The following WDR25 variants were observed in gnomAD, a reference collection of about 807,000 sequenced individuals.
WDR25 encodes WD repeat domain 25.
WDR25 carries 35 observed loss-of-function variants against 47.7 expected under a neutral mutation model. The ratio of observed to expected loss-of-function variants is 0.73; its 90% CI spans 0.56 to 0.97. WDR25 has a LOEUF of 0.97. Among genes scored for constraint, WDR25 ranks in the 50% least tolerant of loss-of-function variants. The pLI, the probability that WDR25 is intolerant of heterozygous loss-of-function variation, is 0.00. For synonymous variants in WDR25, 248 were observed against 278.9 expected, an observed-to-expected ratio of 0.89 and a Z score of 1.10; for missense variants, 634 against 704.7, an observed-to-expected ratio of 0.90 and a Z score of 1.14.
intron 2 of WDR25, among the ~76,000 whole-genome samples, chr14:100,399,930 G>A (rs1175176032): frequency 6.6e-6 from 1 of 152,246 alleles, no homozygotes; most frequent in African/African-American, 2.4e-5. Flanking sequence ...AGGAGGGTAC[G>A]GGTGCTGCAG....
At chr14:100,377,532 A>T (rs1415426866) in intron 1 of WDR25, among the ~76,000 whole-genome samples, 2 of 149,652 alleles carry the variant, frequency 1.3e-5, no homozygotes, top group Admixed American at 1.3e-4. Flanking sequence ...CTGGTCTTGA[A>T]CCCCCGACCT....
intron 4 of WDR25, among the ~76,000 whole-genome samples, chr14:100,514,413 T>C (rs1901423677): frequency 6.6e-6 from 1 of 152,132 alleles, no homozygotes; most frequent in South Asian, 2.1e-4. Context: ...TTAAATCTGC[T>C]ACCTTGCTAT....
At chr14:100,518,833 G>T (rs1901598639) in intron 4 of WDR25, among the ~76,000 whole-genome samples, 1 of 151,756 alleles carries the variant, frequency 6.6e-6, no homozygotes, top group South Asian at 2.1e-4. Flanking sequence ...GGCGGAAGTT[G>T]CAGTGAGCCA....
chr14:100,415,965 CCTT>C (rs1418116866), intron 2 of WDR25, among the ~76,000 whole-genome samples: 4 of 152,180 alleles, frequency 2.6e-5, no homozygotes, highest in Admixed American at 6.5e-5. Context: ...CTGCCGCTGT[CCTT>C]CTTTTCTTCT....
chr14:100,486,715 TG>T (rs748285358), intron 4 of WDR25, among the ~76,000 whole-genome samples: 7 of 152,334 alleles, frequency 4.6e-5, no homozygotes, highest in Admixed American at 6.5e-5. Flanking sequence ...AGCCTGGGCG[TG>T]TATGTGAACA....
chr14:100,439,428 C>T (rs528846734), intron 2 of WDR25, among the ~76,000 whole-genome samples: 21 of 152,336 alleles, frequency 1.4e-4, no homozygotes, highest in Admixed American at 5.9e-4. Context: ...TGGTACAGCA[C>T]GGCCCGCCCA....
At position 100,404,692 on chromosome 14, in the gene WDR25, T is replaced by G. The variant is rs183943467; in HGVS notation, c.822+22946T>G. On this transcript the variant is annotated intron_variant, in intron 2 of 6. Transcript: ENST00000402312. The surrounding 1 kb of genome is among the most constrained non-coding windows in gnomAD (Gnocchi z 4.6). Reference sequence around the variant, plus strand: ...GCAAATGTTCTGTCCCAGTTCAGTCTGCTGACTGGGAGATGCTGACCTGAC... The same window carrying G: ...GCAAATGTTCTGTCCCAGTTCAGTCGGCTGACTGGGAGATGCTGACCTGAC... Among the ~76,000 whole-genome samples, 6 of 152,338 alleles carry G rather than the reference T, an allele frequency of 3.9e-5. No homozygotes were observed. The highest frequency in any genetic ancestry group is 8.8e-5 in the Non-Finnish European group (6 of 68,018).
rs1423288447 is a variant in WDR25, at chr14:100,525,957, G to A, written c.1189G>A (p.Ala397Thr). 6 of 1,614,056 alleles carry A rather than the reference G, an allele frequency of 3.7e-6. No homozygotes were observed. The highest frequency in any genetic ancestry group is 3.3e-5 in the South Asian group (3 of 91,074). ...CTCCGAGTTCCTGAGCAGCACAGAC[G>A]CTTCCACCCGGGACTCAGCTGACCG... Reference protein sequence around the residue: ...EGSEFLSSTDASTRDSADRTI... With the variant: ...EGSEFLSSTDTSTRDSADRTI... Residue 397 changes from alanine (A) to threonine (T), a missense_variant, in exon 5 of 7, where the codon GCT becomes ACT. Physicochemically the swap from Ala to Thr is moderately conservative, Grantham distance 58. Transcript: ENST00000402312. This position sits in a 1 kb window ranked among gnomAD's most constrained non-coding sequence, Gnocchi z 4.6.
chr14:100,392,805 T>C lies in WDR25; in HGVS notation c.822+11059T>C, dbSNP rs1897174325. On this transcript the variant is annotated intron_variant, in intron 2 of 6. Transcript: ENST00000402312. This position sits in a 1 kb window ranked among gnomAD's most constrained non-coding sequence, Gnocchi z 4.2. The stretch of plus-strand genomic sequence containing the variant: ...GTGGTTTCTAATTTTTGCTATTATA[T>C]AGATAATGCTGAAGTGGTTATCTTC... 6.6e-6 allele frequency among the ~76,000 whole-genome samples: 1 copy of C among 152,212 alleles called. No individual in the cohort carries two copies. The highest frequency in any genetic ancestry group is 2.1e-4 in the South Asian group (1 of 4,836).
intron 4 of WDR25, among the ~76,000 whole-genome samples, chr14:100,516,303 C>T (rs1901495261): frequency 6.6e-6 from 1 of 152,104 alleles, no homozygotes; most frequent in African/African-American, 2.4e-5. Flanking sequence ...AGGTTTTCCC[C>T]CTCTGACTGG....
intron 2 of WDR25, among the ~76,000 whole-genome samples, chr14:100,399,304 C>T (rs544697984): frequency 4.6e-5 from 7 of 152,218 alleles, no homozygotes; most frequent in South Asian, 4.2e-4. Context: ...CTTTGCATAC[C>T]GATAGATGCA....
intron 2 of WDR25, among the ~76,000 whole-genome samples, chr14:100,448,688 G>A (rs1239871347): frequency 6.6e-6 from 1 of 152,074 alleles, no homozygotes; most frequent in Non-Finnish European, 1.5e-5. Context: ...TGGTGGTGAT[G>A]GGGTCATTAT....
chr14:100,417,285 C>T (rs1897895690), intron 2 of WDR25, among the ~76,000 whole-genome samples: 1 of 152,260 alleles, frequency 6.6e-6, no homozygotes, highest in South Asian at 2.1e-4. Flanking sequence ...GCAGCCGTAC[C>T]TGGAGGAGCT....
chr14:100,445,631 C>G lies in WDR25; in HGVS notation c.823-22390C>G, dbSNP rs58354008. Among the ~76,000 whole-genome samples the G allele has an allele frequency of 4.9e-3, 751 of 152,246 alleles. 10 individuals carry two copies. Among genetic ancestry groups the G allele is most frequent in the African/African-American group, 0.017 (706 of 41,522 alleles). ...AGCCTCCTTGTTGCCAGGGCTGAGA[C>G]GGGGACAGGATGGCTTCTAGGCTTC... On this transcript the variant is annotated intron_variant, in intron 2 of 6. Coordinates refer to ENST00000402312, the MANE Select transcript of WDR25 (RefSeq NM_001161476.3).
chr14:100,436,813 C>A (rs1486609200), intron 2 of WDR25, among the ~76,000 whole-genome samples: 2 of 152,324 alleles, frequency 1.3e-5, no homozygotes, highest in South Asian at 4.1e-4. Flanking sequence ...GCTCTCGCCC[C>A]CTGAGCTGTG....
chr14:100,484,348 A>T (rs1900308282), intron 4 of WDR25, among the ~76,000 whole-genome samples: 1 of 152,232 alleles, frequency 6.6e-6, no homozygotes, highest in Non-Finnish European at 1.5e-5. Flanking sequence ...CATATTACTA[A>T]AAATATTTGT....
At chr14:100,443,422 C>T (rs1452618641) in intron 2 of WDR25, among the ~76,000 whole-genome samples, 2 of 123,028 alleles carry the variant, frequency 1.6e-5, no homozygotes, top group Non-Finnish European at 3.2e-5. Context: ...TTCCTAACAC[C>T]GTTTCTGTTT....
intron 2 of WDR25, among the ~76,000 whole-genome samples, chr14:100,416,444 G>T (rs532010565): frequency 6.6e-6 from 1 of 152,148 alleles, no homozygotes; most frequent in Non-Finnish European, 1.5e-5. Context: ...CCATGTCACC[G>T]GCCCATTCAC....
intron 4 of WDR25, among the ~76,000 whole-genome samples, chr14:100,504,977 G>A (rs1464802115): frequency 6.6e-6 from 1 of 152,128 alleles, no homozygotes; most frequent in Admixed American, 6.6e-5. Context: ...GATGACTAAT[G>A]ATGGTGAACA....
Sources: allele counts gnomAD v4.1 joint callset (sites outside exome capture counted in the v4.1 genomes callset), GRCh38; gene constraint gnomAD v4.1.1; non-coding constraint Gnocchi (gnomAD v3.1); transcripts MANE v1.5; gene names NCBI Gene and HGNC (gene_info 2026-07-23, HGNC 2026-07-21).